The following RNF128 variants were observed in gnomAD, a reference collection of about 807,000 sequenced individuals.
RNF128 encodes ring finger protein 128.
In RNF128, 13 loss-of-function variants were observed where a neutral mutation model predicts 26.2. That is an observed-to-expected ratio of 0.50 (90% confidence interval 0.32 to 0.79). The LOEUF is 0.79. RNF128 is among the 30% of genes least tolerant of loss of function. RNF128 has a pLI of 0.03. For synonymous variants in RNF128, 149 were observed against 142.5 expected (o/e 1.05, Z -0.32); for missense variants, 315 against 349.7 (o/e 0.90, Z 0.79).
At chrX:106,743,230 G>A (rs767225574) in intron 1 of RNF128, among the ~76,000 whole-genome samples, 17 of 112,371 alleles carry the variant, frequency 1.5e-4, no homozygotes, top group African/African-American at 5.2e-4. Flanking sequence ...TAAGATTTAA[G>A]TTTTTAAGCA....
At position 106,728,716 on chromosome X, in the gene RNF128, T is replaced by C. The variant is rs1217728067; in HGVS notation, c.484+1319T>C. Among the ~76,000 whole-genome samples, 3 of 111,914 alleles carry C rather than the reference T, an allele frequency of 2.7e-5. No individual in the cohort carries two copies. The Admixed American group carries it at 2.8e-4, about 11-fold the overall frequency. On this transcript the variant is annotated intron_variant, in intron 1 of 6. Transcript: ENST00000255499. ...AGATTTGAGTTCTTTTAGCCCCTTC[T>C]TTGCCTCTACCGACTTTGTAACCTT...
At chrX:106,770,201 G>A (rs1930344997) in intron 1 of RNF128, among the ~76,000 whole-genome samples, 1 of 111,255 alleles carries the variant, frequency 9.0e-6, no homozygotes, top group African/African-American at 3.3e-5. Flanking sequence ...TTCAACTTTG[G>A]TGAATCTGAC....
chrX:106,790,255 T>C lies in RNF128; in HGVS notation c.957T>C (p.Cys319=), dbSNP rs1402724556. 3.4e-6 allele frequency: 4 copies of C among 1,194,027 alleles called. No individual in the cohort carries two copies. The highest frequency in any genetic ancestry group is 4.6e-4 in the Middle Eastern group (2 of 4,322). ...LEHRTCPMCK[C]DILKALGIEV... is the part of the protein sequence containing the mutation. ...ACAGGACTTGCCCCATGTGCAAATG[T>C]GACATACTCAAAGCTTTGGGAATTG... Residue 319 remains cysteine, a synonymous_variant, in exon 5 of 7, where the codon TGT becomes TGC. Transcript: ENST00000255499.
intron 1 of RNF128, among the ~76,000 whole-genome samples, chrX:106,712,955 A>T (rs943865000): frequency 9.7e-6 from 1 of 103,485 alleles, no homozygotes; most frequent in Non-Finnish European, 2.0e-5. Context: ...ATCTGGGCTC[A>T]CTGCAACCTC....
intron 1 of RNF128, among the ~76,000 whole-genome samples, chrX:106,729,150 T>G (rs1454962222): frequency 1.8e-5 from 2 of 111,717 alleles, no homozygotes; most frequent in Admixed American, 1.9e-4. Context: ...TCTGATAGTT[T>G]TAGGAGACAA....
At chrX:106,756,119 C>T (rs1460394407) in intron 1 of RNF128, among the ~76,000 whole-genome samples, 2 of 111,584 alleles carry the variant, frequency 1.8e-5, no homozygotes, top group Non-Finnish European at 3.8e-5. Context: ...ATTCCATACT[C>T]ATGGGTAGGA....
intron 6 of RNF128, among the ~76,000 whole-genome samples, chrX:106,792,353 G>T (rs1161455837): frequency 2.6e-5 from 2 of 77,982 alleles, no homozygotes; most frequent in Admixed American, 1.7e-4. Flanking sequence ...TTTGTGTTCT[G>T]TTCTTCTGTG....
chrX:106,763,832 A>G (rs1416938489), intron 1 of RNF128, among the ~76,000 whole-genome samples: 1 of 110,638 alleles, frequency 9.0e-6, no homozygotes, highest in Non-Finnish European at 1.9e-5. Flanking sequence ...TAATAGTTGG[A>G]CTGTATATAG....
At chrX:106,727,611 G>A (rs1351867471) in intron 1 of RNF128, among the ~76,000 whole-genome samples, 1 of 110,712 alleles carries the variant, frequency 9.0e-6, no homozygotes, top group Admixed American at 9.6e-5. Context: ...GGTGGAAAAG[G>A]GTAAAACAAA....
intron 1 of RNF128, among the ~76,000 whole-genome samples, chrX:106,759,106 G>A (rs1318352090): frequency 7.2e-5 from 8 of 111,561 alleles, no homozygotes; most frequent in East Asian, 2.8e-4. Flanking sequence ...CTAATAATCC[G>A]ATTAAAAATG....
chrX:106,791,665 T>C (rs1374344014), intron 6 of RNF128, among the ~76,000 whole-genome samples: 2 of 111,411 alleles, frequency 1.8e-5, no homozygotes, highest in Non-Finnish European at 3.8e-5. Flanking sequence ...GAACCCATGT[T>C]TTGCAAGTAG....
At chrX:106,765,252 G>A (rs1221575620) in intron 1 of RNF128, among the ~76,000 whole-genome samples, 2 of 111,885 alleles carry the variant, frequency 1.8e-5, no homozygotes, top group African/African-American at 3.2e-5. Context: ...TGAATAAAAT[G>A]TTTAAATTAA....
rs1462664133 is a variant in RNF128, at chrX:106,760,151, A to G, written c.485-12762A>G. 8.9e-5 allele frequency among the ~76,000 whole-genome samples: 10 copies of G among 111,841 alleles called. No homozygotes were observed. In the East Asian group the frequency reaches 2.8e-3, roughly 31 times the overall value. On this transcript the variant is annotated intron_variant, in intron 1 of 6. Transcript: ENST00000255499. ...GATTACTTTTTCGAGTGTTCATTCAAAATTGTTAAAACTAAGTATTTGTGT... is the reference window on the plus strand; with the variant it reads ...GATTACTTTTTCGAGTGTTCATTCAGAATTGTTAAAACTAAGTATTTGTGT...
At position 106,734,463 on chromosome X, in the gene RNF128, A is replaced by C. The variant is rs777953095; in HGVS notation, c.484+7066A>C. 1.3e-3 allele frequency among the ~76,000 whole-genome samples: 145 copies of C among 110,994 alleles called. 1 individual carries two copies. The highest frequency in any genetic ancestry group is 4.6e-3 in the African/African-American group (140 of 30,519). Reference sequence around the variant, plus strand: ...TGTCTTCTTCACAATTGAGGTTTGCACCTGGTTTCCCTGTTGCTTTTAAGT... The same window carrying C: ...TGTCTTCTTCACAATTGAGGTTTGCCCCTGGTTTCCCTGTTGCTTTTAAGT... On this transcript the variant is annotated intron_variant, in intron 1 of 6. Transcript: ENST00000255499.
rs1569445321 is a variant in RNF128, at chrX:106,788,396, T to TA, written c.887+396_887+397insA. On this transcript the variant is annotated intron_variant, in intron 4 of 6. Coordinates refer to ENST00000255499, the MANE Select transcript of RNF128 (RefSeq NM_194463.2). ...TATTATATATTATATATAATATATA[T>TA]TATATATAATATATAATATATAATA... Among the ~76,000 whole-genome samples, 5 of 43,304 alleles carry TA rather than the reference T, an allele frequency of 1.2e-4. No homozygotes were observed. In the Admixed American group the frequency reaches 1.7e-3, roughly 15 times the overall value. The allele number at this position is 43,304 out of a possible 115,157, so 37.6% of individuals were successfully genotyped here.
chrX:106,778,292 G>A (rs779042644), intron 2 of RNF128, among the ~76,000 whole-genome samples: 2 of 111,731 alleles, frequency 1.8e-5, no homozygotes, highest in East Asian at 5.6e-4. Context: ...ACTGACTACT[G>A]TACCAACTGA....
Position 106,706,878 on chromosome X carries a change from AT to A in RNF128, c.406+12471del, listed in dbSNP as rs1929051055. On this transcript the variant is annotated intron_variant, in intron 1 of 6. Coordinates refer to the RNF128 transcript ENST00000324342. ...CTACGGTAGTAGCAAGATGATGCTC[AT>A]GAAGTCATCCTTGTTTTCAGTTCAC... Among the ~76,000 whole-genome samples, 3 of 111,895 alleles carry A rather than the reference AT, an allele frequency of 2.7e-5. No individual in the cohort carries two copies. In the Admixed American group the frequency reaches 2.8e-4, roughly 11 times the overall value.
rs1930798095 is a variant in RNF128, at chrX:106,790,257, A to G, written c.959A>G (p.Asp320Gly). The G allele has an allele frequency of 1.7e-6, 2 of 1,190,997 alleles. No individual in the cohort carries two copies. The highest frequency in any genetic ancestry group is 1.1e-6 in the Non-Finnish European group (1 of 879,324). The change falls in exon 5 of 7, where the codon GAC (aspartate) becomes GGC (glycine). Residue 320 changes from aspartate (D) to glycine (G), a missense_variant. Coordinates refer to ENST00000255499, the MANE Select transcript of RNF128 (RefSeq NM_194463.2). ...AGGACTTGCCCCATGTGCAAATGTG[A>G]CATACTCAAAGCTTTGGGAATTGAG... ...EHRTCPMCKC[D>G]ILKALGIEVD...
At chrX:106,763,286 G>A (rs1005482646) in intron 1 of RNF128, among the ~76,000 whole-genome samples, 2 of 110,654 alleles carry the variant, frequency 1.8e-5, no homozygotes, top group African/African-American at 6.6e-5. Flanking sequence ...TGATAATGGA[G>A]ACACCAAGAA....
Sources: allele counts gnomAD v4.1 joint callset (sites outside exome capture counted in the v4.1 genomes callset), GRCh38; gene constraint gnomAD v4.1.1; transcripts MANE v1.5; gene names NCBI Gene and HGNC (gene_info 2026-07-23, HGNC 2026-07-21).